Variants in NUFIP2 observed in about 807,000 individuals in gnomAD.
The protein encoded by NUFIP2 is FMR1-interacting protein NUFIP2.
A neutral mutation model predicts 56.9 loss-of-function variants in NUFIP2; 6 were observed. The observed-to-expected ratio is 0.11, with a 90% CI of 0.06 to 0.21. The LOEUF (loss-of-function observed/expected upper bound fraction) is 0.21, where lower values mean the gene tolerates loss of function less well. NUFIP2 is among the 10% of genes least tolerant of loss of function. The pLI is 1.00. For synonymous variants in NUFIP2, 321 were observed against 298.2 expected (o/e 1.08, Z -0.79); for missense variants, 828 against 826.8 (o/e 1.00, Z -0.02).
At chr17:29,267,582 A>C in intron 2 of NUFIP2, 52 bp from the exon 3 acceptor site, 1 of 1,115,080 alleles carries the variant, frequency 9.0e-7, no homozygotes, top group Non-Finnish European at 1.3e-6. Flanking sequence ...GCAAAGTCTG[A>C]AGCGATGCTT....
At chr17:29,285,610 A>G (rs536556019) in intron 2 of NUFIP2, among the ~76,000 whole-genome samples, 1 of 152,126 alleles carries the variant, frequency 6.6e-6, no homozygotes, top group Non-Finnish European at 1.5e-5. Context: ...AACACAAAAC[A>G]AAACAAAAAA....
intron 2 of NUFIP2, 115 bp downstream of exon 2, chr17:29,285,877 T>C (rs1333501713): frequency 1.3e-6 from 1 of 790,014 alleles, no homozygotes; most frequent in Non-Finnish European, 2.0e-6. Flanking sequence ...ATCCACATTG[T>C]CATTCTCTTA....
chr17:29,266,887 T>C (rs2069040527), intron 3 of NUFIP2, among the ~76,000 whole-genome samples: 1 of 151,956 alleles, frequency 6.6e-6, no homozygotes, highest in African/African-American at 2.4e-5. Context: ...GTTTTCTTTT[T>C]TCGTATTCAC....
intron 1 of NUFIP2, among the ~76,000 whole-genome samples, chr17:29,289,862 A>G (rs1043082325): frequency 6.6e-6 from 1 of 152,208 alleles, no homozygotes; most frequent in African/African-American, 2.4e-5. Context: ...CTCAAGGCAT[A>G]ATCATTCCTA....
chr17:29,279,349 A>AT (rs538099678), intron 2 of NUFIP2, among the ~76,000 whole-genome samples: 2 of 152,092 alleles, frequency 1.3e-5, no homozygotes, highest in African/African-American at 4.8e-5. Flanking sequence ...TTTTTAAAAA[A>AT]TTTTTTTTAA....
At chr17:29,274,378 CAAGAGGATTG>C in intron 2 of NUFIP2, among the ~76,000 whole-genome samples, 1 of 152,086 alleles carries the variant, frequency 6.6e-6, no homozygotes, top group African/African-American at 2.4e-5. Flanking sequence ...GAGGCTGAAG[CAAGAGGATTG>C]CTCGAGTCCA....
Position 29,257,744 on chromosome 17 carries a change from C to T in NUFIP2, c.*6795G>A, listed in dbSNP as rs2068978849. 6.6e-6 allele frequency: 1 copy of T among 152,054 alleles called. No homozygotes were observed. The highest frequency in any genetic ancestry group is 2.1e-4 in the South Asian group (1 of 4,826). 9.4% of individuals were successfully genotyped at this position (152,054 alleles called of 1,614,324 possible). A position where few individuals can be genotyped will look rare whatever the true frequency, so the allele number is the denominator to read the frequency against. On this transcript the variant is annotated 3_prime_UTR_variant, in exon 4 of 4. Coordinates refer to ENST00000225388, the MANE Select transcript of NUFIP2 (RefSeq NM_020772.3). The stretch of plus-strand genomic sequence containing the variant: ...CTTTGTATAACACTTCTTTAAAACA[C>T]TAAAAGAGACAGCAAGCTGAAACTT...
In NUFIP2 at chr17:29,273,565, AAG is replaced by A. The variant is rs2069089545; in HGVS notation, c.2003-6037_2003-6036del. 7.9e-5 allele frequency among the ~76,000 whole-genome samples: 12 copies of A among 152,294 alleles called. No homozygotes were observed. In the South Asian group the frequency reaches 2.5e-3, roughly 32 times the overall value. Reference sequence around the variant, plus strand: ...AAATCTAACTTGCCAGTTCTTTTTGAAGAGTGATCACAGCATCTAATTATGCA... The same window carrying A: ...AAATCTAACTTGCCAGTTCTTTTTGAAGTGATCACAGCATCTAATTATGCA... On this transcript the variant is annotated intron_variant, in intron 2 of 3. Coordinates refer to ENST00000225388, the MANE Select transcript of NUFIP2 (RefSeq NM_020772.3).
intron 2 of NUFIP2, among the ~76,000 whole-genome samples, chr17:29,277,055 C>T (rs755714027): frequency 2.6e-5 from 4 of 152,188 alleles, no homozygotes; most frequent in Admixed American, 6.5e-5. Context: ...GAGACAGTCT[C>T]GCTCTGTCGC....
chr17:29,292,910 G>T (rs1211601588), intron 1 of NUFIP2, among the ~76,000 whole-genome samples: 1 of 145,266 alleles, frequency 6.9e-6, no homozygotes, highest in African/African-American at 2.5e-5. Context: ...GGTGCGGGGG[G>T]CGCCGGCGCC....
intron 3 of NUFIP2, 49 bp from the exon 4 acceptor site, chr17:29,264,640 T>C (rs1567675072): frequency 2.5e-6 from 3 of 1,180,338 alleles, no homozygotes; most frequent in African/African-American, 1.5e-5. Context: ...AATCTCAAAA[T>C]GCCCGTATTC....
Position 29,293,935 on chromosome 17 carries a change from CTGTGGT to C in NUFIP2, c.119_124del (p.Asn40_His41del). On this transcript the variant is annotated inframe_deletion, in exon 1 of 4. Coordinates refer to ENST00000225388, the MANE Select transcript of NUFIP2 (RefSeq NM_020772.3). ...ATGATGGTGGTGGTGGTGGTTGTGGCTGTGGTTGTAGAAATAATAATGGTGGTGGTG... is the reference window on the plus strand; with the variant it reads ...ATGATGGTGGTGGTGGTGGTTGTGGCTGTAGAAATAATAATGGTGGTGGTG... 1.2e-6 allele frequency: 2 copies of C among 1,613,112 alleles called. No homozygotes were observed. Among genetic ancestry groups the C allele is most frequent in the Non-Finnish European group, 1.7e-6 (2 of 1,179,342 alleles).
chr17:29,262,549 G>C lies in NUFIP2; in HGVS notation c.*1990C>G, dbSNP rs891069041. The C allele has an allele frequency of 5.3e-5, 8 of 152,316 alleles. No individual in the cohort carries two copies. The highest frequency in any genetic ancestry group is 1.9e-4 in the African/African-American group (8 of 41,352). The allele number at this position is 152,316 out of a possible 1,614,324, so 9.4% of individuals were successfully genotyped here. A position where few individuals can be genotyped will look rare whatever the true frequency, so the allele number is the denominator to read the frequency against. ...ATCCTAGCTTTTGGCAAGCAGGCAGGAGACTCAACAAAAATCAAAATAGGA... is the reference window on the plus strand; with the variant it reads ...ATCCTAGCTTTTGGCAAGCAGGCAGCAGACTCAACAAAAATCAAAATAGGA... On this transcript the variant is annotated 3_prime_UTR_variant, in exon 4 of 4. Transcript: ENST00000225388.
rs1330446119 is a variant in NUFIP2, at chr17:29,257,598, T to TA, written c.*6940dup. ...GCAGACATAAATATTTAAAATTTTC[T>TA]AAGCAAGGTGCTTTTAACAAAATTT... On this transcript the variant is annotated 3_prime_UTR_variant, in exon 4 of 4. Coordinates refer to ENST00000225388, the MANE Select transcript of NUFIP2 (RefSeq NM_020772.3). 3 of 152,160 alleles carry TA rather than the reference T, an allele frequency of 2.0e-5. No individual in the cohort carries two copies. The highest frequency in any genetic ancestry group is 4.4e-5 in the Non-Finnish European group (3 of 68,028). The allele number at this position is 152,160 out of a possible 1,614,324, so 9.4% of individuals were successfully genotyped here. A position where few individuals can be genotyped will look rare whatever the true frequency, so the allele number is the denominator to read the frequency against.
intron 2 of NUFIP2, among the ~76,000 whole-genome samples, chr17:29,276,420 C>T (rs576871875): frequency 2.6e-5 from 4 of 152,260 alleles, no homozygotes; most frequent in Admixed American, 1.3e-4. Context: ...GCAACCTCCA[C>T]CTCCCAGGTT....
At chr17:29,272,213 A>C (rs2069078629) in intron 2 of NUFIP2, among the ~76,000 whole-genome samples, 1 of 151,610 alleles carries the variant, frequency 6.6e-6, no homozygotes, top group Non-Finnish European at 1.5e-5. Context: ...AAAAATCTCA[A>C]TTCAGATTTT....
intron 2 of NUFIP2, among the ~76,000 whole-genome samples, chr17:29,278,449 T>C (rs1438576710): frequency 6.6e-6 from 1 of 152,020 alleles, no homozygotes; most frequent in African/African-American, 2.4e-5. Flanking sequence ...GGTTTCACCG[T>C]GTTAGCCAGG....
At chr17:29,290,653 C>CAA (rs749932039) in intron 1 of NUFIP2, among the ~76,000 whole-genome samples, 10 of 99,456 alleles carry the variant, frequency 1.0e-4, no homozygotes, top group Admixed American at 2.2e-4. Context: ...GGCTGTGTCT[C>CAA]AAAAAAAAAA....
At chr17:29,281,499 A>G (rs938431471) in intron 2 of NUFIP2, among the ~76,000 whole-genome samples, 67 of 151,760 alleles carry the variant, frequency 4.4e-4, no homozygotes, top group South Asian at 8.4e-4. Flanking sequence ...CTCAAAAAAA[A>G]AGAGAAAAGT....
Sources: allele counts gnomAD v4.1 joint callset (sites outside exome capture counted in the v4.1 genomes callset), GRCh38; gene constraint gnomAD v4.1.1; transcripts MANE v1.5; gene names NCBI Gene and HGNC (gene_info 2026-07-23, HGNC 2026-07-21).